The following MINDY4 variants were observed in gnomAD, a reference collection of about 807,000 sequenced individuals.
MINDY4 encodes the protein probable ubiquitin carboxyl-terminal hydrolase MINDY-4.
A neutral mutation model predicts 87.0 loss-of-function variants in MINDY4; 68 were observed. The ratio of observed to expected loss-of-function variants is 0.78; its 90% confidence interval spans 0.64 to 0.96. The LOEUF (loss-of-function observed/expected upper bound fraction) is 0.96, where lower values mean the gene tolerates loss of function less well. Among genes scored for constraint, MINDY4 ranks in the 40% least tolerant of loss-of-function variants. The pLI is 0.00. For missense variants in MINDY4, 919 were observed against 928.2 expected, an observed-to-expected ratio of 0.99 and a Z score of 0.13; for synonymous variants, 379 against 363.2, an observed-to-expected ratio of 1.04 and a Z score of -0.50.
chr7:30,780,008 G>T (rs1786959056), intron 2 of MINDY4: 1 of 152,180 alleles, frequency 6.6e-6, no homozygotes, highest in African/African-American at 2.4e-5. Flanking sequence ...GCACCTACAG[G>T]AGCACTCAGG....
intron 9 of MINDY4, among the ~76,000 whole-genome samples, chr7:30,841,348 G>C (rs1028349315): frequency 6.6e-6 from 1 of 152,252 alleles, no homozygotes; most frequent in African/African-American, 2.4e-5. Flanking sequence ...CATTCATTCA[G>C]CACACATTCC....
intron 14 of MINDY4, 66 bp from the exon 15 acceptor site, chr7:30,875,429 C>G: frequency 6.4e-7 from 1 of 1,563,344 alleles, no homozygotes; most frequent in East Asian, 2.2e-5. Context: ...TTTCCCCAGT[C>G]TCCTCTCCAC....
At position 30,872,226 on chromosome 7, in the gene MINDY4, CT is replaced by C; in HGVS notation, c.1746-15del. On this transcript the variant is annotated splice_polypyrimidine_tract_variant and intron_variant, in intron 13 of 17. Transcript: ENST00000265299. Reference sequence around the variant, plus strand: ...GTCAGGCAGAGCTGTGCTAACAATGCTTCTTGTGTTTTCCAGCATCCGCCAG... The same window carrying C: ...GTCAGGCAGAGCTGTGCTAACAATGCTCTTGTGTTTTCCAGCATCCGCCAG... 6.2e-7 allele frequency: 1 copy of C among 1,613,864 alleles called. No individual in the cohort carries two copies. The highest frequency in any genetic ancestry group is 1.3e-5 in the African/African-American group (1 of 75,050).
At position 30,883,013 on chromosome 7, in the gene MINDY4, G is replaced by A; in HGVS notation, c.2225+20G>A. ...AACCAAGTGAGTCAAGCCCCTCTCT[G>A]GCTTTGAGCCTCACCCTGAATAGCT... On this transcript the variant is annotated intron_variant, in intron 17 of 17. Transcript: ENST00000265299. 6.2e-7 allele frequency: 1 copy of A among 1,612,460 alleles called. No individual in the cohort carries two copies. The highest frequency in any genetic ancestry group is 8.5e-7 in the Non-Finnish European group (1 of 1,178,808).
chr7:30,830,497 A>G (rs1168408252), intron 6 of MINDY4, among the ~76,000 whole-genome samples: 1 of 152,224 alleles, frequency 6.6e-6, no homozygotes, highest in Admixed American at 6.5e-5. Context: ...CAGGAAACTT[A>G]CAATCGTGGC....
intron 5 of MINDY4, among the ~76,000 whole-genome samples, chr7:30,819,290 A>T (rs1309875993): frequency 6.6e-6 from 1 of 152,118 alleles, no homozygotes; most frequent in East Asian, 1.9e-4. Context: ...TTTCTTTAAA[A>T]TTTTCTAATG....
chr7:30,878,526 C>T (rs932597674), intron 15 of MINDY4, among the ~76,000 whole-genome samples: 1 of 152,188 alleles, frequency 6.6e-6, no homozygotes, highest in East Asian at 1.9e-4. Context: ...CAGTCCCACA[C>T]CTGGCCCAGG....
At chr7:30,812,472 A>T (rs2128558651) in intron 5 of MINDY4, among the ~76,000 whole-genome samples, 1 of 152,296 alleles carries the variant, frequency 6.6e-6, no homozygotes, top group East Asian at 1.9e-4. Context: ...AGCTAATAGG[A>T]TCTATCTCTT....
intron 5 of MINDY4, among the ~76,000 whole-genome samples, chr7:30,826,769 G>A (rs956706542): frequency 5.3e-5 from 8 of 152,190 alleles, no homozygotes; most frequent in African/African-American, 1.9e-4. Context: ...CATCTTTGAG[G>A]CTCAGTGAAA....
At chr7:30,828,277 T>G (rs1788577554) in intron 5 of MINDY4, among the ~76,000 whole-genome samples, 1 of 151,772 alleles carries the variant, frequency 6.6e-6, no homozygotes. Flanking sequence ...AACATAGAGA[T>G]GAGATGAACA....
intron 5 of MINDY4, among the ~76,000 whole-genome samples, chr7:30,803,674 C>G (rs910439751): frequency 6.6e-5 from 10 of 152,168 alleles, no homozygotes; most frequent in Non-Finnish European, 4.4e-5. Flanking sequence ...GTGCCTTGCT[C>G]TAAGCCTGAG....
At chr7:30,820,435 G>A (rs944510622) in intron 5 of MINDY4, among the ~76,000 whole-genome samples, 1 of 152,078 alleles carries the variant, frequency 6.6e-6, no homozygotes, top group Non-Finnish European at 1.5e-5. Context: ...CATTCACAGT[G>A]TTGTATAACC....
chr7:30,782,293 C>T, intron 3 of MINDY4, 81 bp downstream of exon 3: 1 of 1,015,196 alleles, frequency 9.9e-7, no homozygotes, highest in East Asian at 2.6e-5. Context: ...CTGTTTCAGT[C>T]AGTATTCTCC....
At chr7:30,832,183 C>G (rs1041150867) in intron 6 of MINDY4, among the ~76,000 whole-genome samples, 5 of 152,194 alleles carry the variant, frequency 3.3e-5, no homozygotes, top group South Asian at 4.1e-4. Flanking sequence ...GCCTTCATTC[C>G]CAGATTTACT....
chr7:30,872,346 C>T, intron 14 of MINDY4, 40 bp downstream of exon 14: 3 of 1,585,436 alleles, frequency 1.9e-6, no homozygotes, highest in Non-Finnish European at 2.6e-6. Flanking sequence ...CCTTCCCCCT[C>T]CTCTGTCCCT....
chr7:30,850,514 T>C lies in MINDY4; in HGVS notation c.1506T>C (p.Ile502=), dbSNP rs775767562. The C allele has an allele frequency of 2.9e-5, 47 of 1,611,838 alleles. No individual in the cohort carries two copies. Among genetic ancestry groups the C allele is most frequent in the Non-Finnish European group, 3.6e-5 (43 of 1,179,178 alleles). The change falls in exon 10 of 18, where the codon ATT becomes ATC. Residue 502 remains isoleucine (I), a synonymous_variant. Coordinates refer to ENST00000265299, the MANE Select transcript of MINDY4 (RefSeq NM_032222.3). Reference sequence around the variant, plus strand: ...GCCTCGTCCTGGCCCTCGCAGACATTGTGTGGCGGGCAGGGGGCCGAGAGA... The same window carrying C: ...GCCTCGTCCTGGCCCTCGCAGACATCGTGTGGCGGGCAGGGGGCCGAGAGA... ...TRCLVLALAD[I]VWRAGGRERA...
intron 5 of MINDY4, among the ~76,000 whole-genome samples, chr7:30,800,669 A>G (rs1439979914): frequency 1.3e-5 from 2 of 152,204 alleles, no homozygotes; most frequent in Non-Finnish European, 2.9e-5. Flanking sequence ...GTTTAATGCA[A>G]AAGACTTCCT....
At chr7:30,884,824 C>T (rs1790581200) in intron 17 of MINDY4, among the ~76,000 whole-genome samples, 1 of 152,222 alleles carries the variant, frequency 6.6e-6, no homozygotes, top group East Asian at 1.9e-4. Flanking sequence ...CGACCTGGGG[C>T]CTTGGTCTGC....
chr7:30,880,413 G>T (rs1790428211), intron 15 of MINDY4, among the ~76,000 whole-genome samples: 1 of 151,098 alleles, frequency 6.6e-6, no homozygotes, highest in Non-Finnish European at 1.5e-5. Context: ...AGAGGCTCCT[G>T]AATGAGGAAA....
Sources: allele counts gnomAD v4.1 joint callset (sites outside exome capture counted in the v4.1 genomes callset), GRCh38; gene constraint gnomAD v4.1.1; transcripts MANE v1.5; gene names NCBI Gene and HGNC (gene_info 2026-07-23, HGNC 2026-07-21).